The following LRP8 variants were observed in gnomAD, a reference collection of about 807,000 sequenced individuals.
LRP8 encodes low-density lipoprotein receptor-related protein 8.
LRP8 carries 46 observed loss-of-function variants against 111.6 expected under a neutral mutation model. The observed-to-expected ratio is 0.41, with a 90% CI of 0.33 to 0.53. The LOEUF is 0.53. Among genes scored for constraint, LRP8 ranks in the 20% least tolerant of loss-of-function variants. The probability of loss-of-function intolerance (pLI) is 0.20; values close to 1 mark genes in which losing one functional copy is unlikely to be tolerated. For synonymous variants in LRP8, 464 were observed against 511.2 expected (o/e 0.91, Z 1.24); for missense variants, 959 against 1,297.4 (o/e 0.74, Z 4.01).
At chr1:53,320,102 G>T (rs1215699865) in intron 2 of LRP8, among the ~76,000 whole-genome samples, 45 of 152,262 alleles carry the variant, frequency 3.0e-4, no homozygotes, top group Admixed American at 2.9e-3. Flanking sequence ...GCTGAAGGAG[G>T]TCTTGCATGA....
intron 3 of LRP8, 64 bp downstream of exon 3, chr1:53,289,503 C>G: frequency 6.5e-7 from 1 of 1,541,452 alleles, no homozygotes; most frequent in Middle Eastern, 1.7e-4. Flanking sequence ...CTCACAGCCT[C>G]TCAAGGAAGA....
intron 3 of LRP8, among the ~76,000 whole-genome samples, chr1:53,281,462 C>G (rs1400560511): frequency 6.6e-6 from 1 of 152,236 alleles, no homozygotes; most frequent in Admixed American, 6.5e-5. Context: ...AAGGCAGATG[C>G]ATCTCAGACC....
chr1:53,249,296 G>C lies in LRP8; in HGVS notation c.2853+84C>G. On this transcript the variant is annotated intron_variant, in intron 18 of 18. Transcript: ENST00000306052. This position sits in a 1 kb window ranked among gnomAD's most constrained non-coding sequence, Gnocchi z 4.1. ...TACAATTTGCAGCCTTCCCAAACCAGAAAGCCTTCTAGGATTGGCTGCGCC... is the reference window on the plus strand; with the variant it reads ...TACAATTTGCAGCCTTCCCAAACCACAAAGCCTTCTAGGATTGGCTGCGCC... 1 of 1,469,302 alleles carries C rather than the reference G, an allele frequency of 6.8e-7. No homozygotes were observed. Among genetic ancestry groups the C allele is most frequent in the Non-Finnish European group, 9.2e-7 (1 of 1,085,254 alleles). 91.0% of individuals were successfully genotyped at this position (1,469,302 alleles called of 1,614,324 possible). A position where few individuals can be genotyped will look rare whatever the true frequency, so the allele number is the denominator to read the frequency against.
At chr1:53,264,653 T>G (rs1310941765) in intron 9 of LRP8, among the ~76,000 whole-genome samples, 1 of 151,930 alleles carries the variant, frequency 6.6e-6, no homozygotes, top group Non-Finnish European at 1.5e-5. Flanking sequence ...TATAATACAA[T>G]GTGATTATGG....
intron 2 of LRP8, among the ~76,000 whole-genome samples, chr1:53,301,541 G>A (rs1650862737): frequency 6.6e-6 from 1 of 152,130 alleles, no homozygotes. Flanking sequence ...GGACAACATG[G>A]TGAAACCCCA....
At chr1:53,300,914 C>T (rs1006063112) in intron 2 of LRP8, among the ~76,000 whole-genome samples, 2 of 152,206 alleles carry the variant, frequency 1.3e-5, no homozygotes, top group African/African-American at 4.8e-5. Context: ...GCCTCAGCCT[C>T]CTCACCTAGA....
At position 53,276,949 on chromosome 1, in the gene LRP8, C is replaced by T. The variant is rs1205921531; in HGVS notation, c.626G>A (p.Arg209His). 6.8e-7 allele frequency: 1 copy of T among 1,470,746 alleles called. No homozygotes were observed. Among genetic ancestry groups the T allele is most frequent in the Non-Finnish European group, 9.0e-7 (1 of 1,114,378 alleles). The allele number at this position is 1,470,746 out of a possible 1,614,324, so 91.1% of individuals were successfully genotyped here. The change falls in exon 5 of 19, where the codon CGC (arginine) becomes CAC (histidine). Residue 209 changes from arginine to histidine, a missense_variant. Transcript: ENST00000306052. ...RGCADPACGP[R>H]EFRCGGDGGG... ...GCCATCGCCGCCGCAGCGGAACTCGCGGGGCCCGCAGGCCGGGTCTGCACA... is the reference window on the plus strand; with the variant it reads ...GCCATCGCCGCCGCAGCGGAACTCGTGGGGCCCGCAGGCCGGGTCTGCACA...
chr1:53,258,550 C>T (rs750388999), intron 13 of LRP8, 79 bp from the exon 14 acceptor site: 33 of 1,352,830 alleles, frequency 2.4e-5, no homozygotes, highest in Non-Finnish European at 3.2e-5. Flanking sequence ...GAGGCTTCTC[C>T]CACCTGGCTT....
chr1:53,264,079 T>C, intron 10 of LRP8, 90 bp downstream of exon 10: 1 of 1,298,922 alleles, frequency 7.7e-7, no homozygotes, highest in Admixed American at 2.0e-5. Context: ...GCCCAGAGCT[T>C]TCTAGAACCC....
rs1645758306 is a variant in LRP8 at position 53,247,346 on chromosome 1, T to G, written c.2854-290A>C. The stretch of plus-strand genomic sequence containing the variant: ...TTTTCATCATTCTGTTTTGTATCTT[T>G]GTAAAGAAGAGTTGCACAGATCTAA... On this transcript the variant is annotated intron_variant, in intron 18 of 18. Coordinates refer to ENST00000306052, the MANE Select transcript of LRP8 (RefSeq NM_004631.5). 2.6e-5 allele frequency among the ~76,000 whole-genome samples: 4 copies of G among 152,202 alleles called. No individual in the cohort carries two copies. The South Asian group carries it at 8.3e-4, about 31-fold the overall frequency.
intron 2 of LRP8, among the ~76,000 whole-genome samples, chr1:53,314,675 G>A (rs1277221073): frequency 1.3e-5 from 2 of 152,174 alleles, no homozygotes; most frequent in Admixed American, 6.5e-5. Context: ...TCGTCAGTGG[G>A]TGAGCGCCCA....
intron 6 of LRP8, chr1:53,272,515 C>A: frequency 8.4e-7 from 1 of 1,193,376 alleles, no homozygotes; most frequent in Non-Finnish European, 1.1e-6. Context: ...ATGCATATAG[C>A]TGGTCTGAGC....
intron 2 of LRP8, among the ~76,000 whole-genome samples, chr1:53,325,316 GT>G (rs543947543): frequency 6.6e-6 from 1 of 152,302 alleles, no homozygotes; most frequent in East Asian, 1.9e-4. Context: ...CTCAGTTTTT[GT>G]TGGTTTGTTT....
intron 4 of LRP8, 65 bp from the exon 5 acceptor site, chr1:53,277,143 G>C (rs1646950993): frequency 2.2e-6 from 3 of 1,380,902 alleles, no homozygotes; most frequent in African/African-American, 1.5e-5. Context: ...GGCCCCGCTG[G>C]TCCGGCTACA....
intron 3 of LRP8, among the ~76,000 whole-genome samples, chr1:53,286,304 C>G (rs1275414675): frequency 6.6e-6 from 1 of 152,194 alleles, no homozygotes; most frequent in Non-Finnish European, 1.5e-5. Context: ...GGGTCAGTCC[C>G]TAACTTACTG....
chr1:53,294,520 G>A lies in LRP8; in HGVS notation c.245-4831C>T, dbSNP rs1009148141. 5.9e-5 allele frequency among the ~76,000 whole-genome samples: 9 copies of A among 152,176 alleles called. No individual in the cohort carries two copies. The highest frequency in any genetic ancestry group is 2.1e-4 in the South Asian group (1 of 4,832). On this transcript the variant is annotated intron_variant, in intron 2 of 18. Transcript: ENST00000306052. This position sits in a 1 kb window ranked among gnomAD's most constrained non-coding sequence, Gnocchi z 4.1. ...GCCGCACTTTCTTCGTCTGCTTCAC[G>A]GGACACACAGGGTCATTGTGAGAAG...
intron 2 of LRP8, among the ~76,000 whole-genome samples, chr1:53,297,927 T>C (rs1650053105): frequency 6.6e-6 from 1 of 152,002 alleles, no homozygotes; most frequent in South Asian, 2.1e-4. Context: ...AAAGACAAAA[T>C]GGGAGGCAGC....
In LRP8 at chr1:53,303,299, C is replaced by T. The variant is rs1180663192; in HGVS notation, c.245-13610G>A. 6.6e-6 allele frequency among the ~76,000 whole-genome samples: 1 copy of T among 152,228 alleles called. No homozygotes were observed. The highest frequency in any genetic ancestry group is 6.5e-5 in the Admixed American group (1 of 15,286). Reference sequence around the variant, plus strand: ...CTGGGTCCAGTGAGGTGGTGGGGAGCAGCCAGTCCTCACAGGGCCTGTGGG... The same window carrying T: ...CTGGGTCCAGTGAGGTGGTGGGGAGTAGCCAGTCCTCACAGGGCCTGTGGG... On this transcript the variant is annotated intron_variant, in intron 2 of 18. Coordinates refer to ENST00000306052, the MANE Select transcript of LRP8 (RefSeq NM_004631.5). This position sits in a 1 kb window ranked among gnomAD's most constrained non-coding sequence, Gnocchi z 4.3.
At chr1:53,258,177 G>A (rs1646174490) in intron 14 of LRP8, 142 bp downstream of exon 14, 1 of 778,252 alleles carries the variant, frequency 1.3e-6, no homozygotes, top group African/African-American at 1.8e-5. Flanking sequence ...AGGTAAAAAA[G>A]AGAAACCCCC....
Sources: allele counts gnomAD v4.1 joint callset (sites outside exome capture counted in the v4.1 genomes callset), GRCh38; gene constraint gnomAD v4.1.1; non-coding constraint Gnocchi (gnomAD v3.1); transcripts MANE v1.5; gene names NCBI Gene and HGNC (gene_info 2026-07-23, HGNC 2026-07-21).